REXO1: variants seen among roughly 807,000 people sequenced by gnomAD.
The protein encoded by REXO1 is REX1, RNA exonuclease 1 homolog.
REXO1 carries 42 observed loss-of-function variants against 102.6 expected under a neutral mutation model. That is an observed-to-expected ratio of 0.41 (90% CI 0.32 to 0.53). The LOEUF is 0.53. Among genes scored for constraint, REXO1 ranks in the 20% least tolerant of loss-of-function variants. The pLI, the probability that REXO1 is intolerant of heterozygous loss-of-function variation, is 0.27. For synonymous variants in REXO1, 908 were observed against 779.1 expected, an observed-to-expected ratio of 1.17 and a Z score of -2.76; for missense variants, 1,819 against 1,732.5, an observed-to-expected ratio of 1.05 and a Z score of -0.89.
chr19:1,825,425 A>C (rs1045957384), intron 3 of REXO1, among the ~76,000 whole-genome samples: 2 of 150,024 alleles, frequency 1.3e-5, no homozygotes, highest in Admixed American at 1.3e-4. Context: ...GGATCACTTG[A>C]GGTCAGGAGT....
Position 1,825,851 on chromosome 19 carries a change from C to G in REXO1, c.2004G>C (p.Lys668Asn). 6.2e-7 allele frequency: 1 copy of G among 1,608,716 alleles called. No homozygotes were observed. The highest frequency in any genetic ancestry group is 8.5e-7 in the Non-Finnish European group (1 of 1,176,000). The change falls in exon 3 of 16, where the codon AAG (lysine) becomes AAC (asparagine). Residue 668 changes from lysine to asparagine, a missense_variant. By Grantham distance (94) the Lys-to-Asn change is moderately conservative. Coordinates refer to ENST00000170168, the MANE Select transcript of REXO1 (RefSeq NM_020695.4). Reference protein sequence around the residue: ...GQKRRISHLSKQGQEVEPPRR... With the variant: ...GQKRRISHLSNQGQEVEPPRR... ...CTGCGGACCTTACCTCCTGGCCTTG[C>G]TTGGAAAGGTGGGAGATCCTCCTCT...
rs180953475 is a variant in REXO1, at chr19:1,839,164, A to G, written c.157+9038T>C. ...CCAGCTACTCGGGAGGCTGAGGCAA[A>G]AGTATCACTTGAACCCAGCAGCGGA... On this transcript the variant is annotated intron_variant, in intron 1 of 15. Transcript: ENST00000170168. Among the ~76,000 whole-genome samples the G allele has an allele frequency of 2.5e-3, 377 of 151,844 alleles. 2 individuals carry two copies. The highest frequency in any genetic ancestry group is 8.3e-3 in the African/African-American group (345 of 41,376).
intron 12 of REXO1, 151 bp from the exon 13 acceptor site, chr19:1,816,964 C>T: frequency 1.4e-6 from 1 of 718,044 alleles, no homozygotes; most frequent in Non-Finnish European, 2.3e-6. Context: ...TGGGGTGTGA[C>T]CTCAGTAACC....
intron 1 of REXO1, among the ~76,000 whole-genome samples, chr19:1,833,474 C>G (rs2069959509): frequency 6.6e-6 from 1 of 152,190 alleles, no homozygotes; most frequent in Non-Finnish European, 1.5e-5. Context: ...AGCCAAGGAC[C>G]CTGGGAGTCA....
Position 1,827,155 on chromosome 19 carries a change from C to G in REXO1, c.1634G>C (p.Ser545Thr). Residue 545 changes from serine to threonine, a missense_variant, in exon 2 of 16, where the codon AGC (serine) becomes ACC (threonine). Ser to Thr is a moderately conservative substitution (Grantham distance 58, BLOSUM62 1). Transcript: ENST00000170168. Reference sequence around the variant, plus strand: ...GTCGGAGTCTGAGTCCGAGCTGAGGCTGGGGAGGGCAGAGGGCCACACGCT... The same window carrying G: ...GTCGGAGTCTGAGTCCGAGCTGAGGGTGGGGAGGGCAGAGGGCCACACGCT... ...VPSVWPSALP[S>T]LSSDSDSDSD... The G allele has an allele frequency of 6.5e-7, 1 of 1,541,956 alleles. No homozygotes were observed. Among genetic ancestry groups the G allele is most frequent in the Non-Finnish European group, 8.7e-7 (1 of 1,146,452 alleles).
At chr19:1,832,957 C>G (rs987199807) in intron 1 of REXO1, among the ~76,000 whole-genome samples, 3 of 150,302 alleles carry the variant, frequency 2.0e-5, no homozygotes, top group East Asian at 3.9e-4. Flanking sequence ...GTGCCAGGCT[C>G]AGTGGCTCAC....
chr19:1,824,129 T>A, intron 3 of REXO1: 1 of 226,864 alleles, frequency 4.4e-6, no homozygotes. Context: ...GGGGAGGCTC[T>A]GGGACTGGAG....
intron 1 of REXO1, among the ~76,000 whole-genome samples, chr19:1,835,308 C>T (rs986341656): frequency 2.0e-5 from 3 of 152,168 alleles, no homozygotes; most frequent in Admixed American, 1.3e-4. Context: ...CTTTGGGAGG[C>T]GGAGGCGGGA....
rs760371227 is a variant in REXO1 at position 1,826,968 on chromosome 19, G to A, written c.1821C>T (p.Asp607=). ...ACTCCTCCATGGGGTCGGAGTCAAA[G>A]TCCACCTCCTTCTCCAGGGCCGAGT... is the stretch of plus-strand genomic sequence containing the variant. ...VDYSALEKEV[D]FDSDPMEECL... Residue 607 remains aspartate (D), a synonymous_variant, in exon 2 of 16, where the codon GAC becomes GAT. Coordinates refer to ENST00000170168, the MANE Select transcript of REXO1 (RefSeq NM_020695.4). The surrounding 1 kb of genome is among the most constrained non-coding windows in gnomAD (Gnocchi z 4.3). 3 of 1,569,390 alleles carry A rather than the reference G, an allele frequency of 1.9e-6. No individual in the cohort carries two copies. Among genetic ancestry groups the A allele is most frequent in the Non-Finnish European group, 1.7e-6 (2 of 1,158,244 alleles).
intron 5 of REXO1, 90 bp downstream of exon 5, chr19:1,821,429 G>T: frequency 1.3e-6 from 2 of 1,502,022 alleles, no homozygotes; most frequent in Non-Finnish European, 9.2e-7. Flanking sequence ...GCAGGGCAGG[G>T]GCGAGGCTGG....
chr19:1,820,471 C>G, intron 5 of REXO1, 76 bp from the exon 6 acceptor site: 1 of 1,555,826 alleles, frequency 6.4e-7, no homozygotes, highest in Non-Finnish European at 8.8e-7. Flanking sequence ...CGCGATGAGG[C>G]CGTGCCCATG....
In REXO1 at chr19:1,827,387, C is replaced by T. The variant is rs759629571; in HGVS notation, c.1402G>A (p.Ala468Thr). Residue 468 changes from alanine (A) to threonine (T), a missense_variant, in exon 2 of 16, where the codon GCG becomes ACG. Ala to Thr is a moderately conservative substitution (Grantham distance 58, BLOSUM62 0). Coordinates refer to ENST00000170168, the MANE Select transcript of REXO1 (RefSeq NM_020695.4). ...GGGCGGGGTGGGCCTCTGCCGGCCGCCGGTCGGGAGTCCCCGCTTGTGGGG... is the reference window on the plus strand; with the variant it reads ...GGGCGGGGTGGGCCTCTGCCGGCCGTCGGTCGGGAGTCCCCGCTTGTGGGG... Reference protein sequence around the residue: ...PSPTSGDSRPAAGRGPPRPLQ... With the variant: ...PSPTSGDSRPTAGRGPPRPLQ... 2 of 1,537,388 alleles carry T rather than the reference C, an allele frequency of 1.3e-6. No homozygotes were observed. The highest frequency in any genetic ancestry group is 2.1e-5 in the Admixed American group (1 of 48,346).
At chr19:1,833,153 A>G (rs913174749) in intron 1 of REXO1, among the ~76,000 whole-genome samples, 1 of 152,182 alleles carries the variant, frequency 6.6e-6, no homozygotes, top group Non-Finnish European at 1.5e-5. Context: ...TGAGCCTAAG[A>G]GGTCAAGGCT....
Position 1,827,754 on chromosome 19 carries a change from G to A in REXO1, c.1035C>T (p.Asp345=), listed in dbSNP as rs372482307. The A allele has an allele frequency of 2.3e-5, 36 of 1,574,764 alleles. No individual in the cohort carries two copies. Among genetic ancestry groups the A allele is most frequent in the African/African-American group, 9.5e-5 (7 of 73,360 alleles). The change falls in exon 2 of 16, where the codon GAC becomes GAT. Residue 345 remains aspartate, a synonymous_variant. Coordinates refer to ENST00000170168, the MANE Select transcript of REXO1 (RefSeq NM_020695.4). ...RETKETAVQC[D]VGDLQPPPAK... ...CTGGGGGCGGCTGGAGGTCCCCCAC[G>A]TCGCACTGCACGGCCGTCTCCTTGG...
intron 3 of REXO1, 116 bp downstream of exon 3, chr19:1,825,723 G>A (rs1298636950): frequency 3.6e-5 from 25 of 689,114 alleles, no homozygotes; most frequent in Non-Finnish European, 4.7e-5. Flanking sequence ...TGATCCACCC[G>A]CCTTGGCCTC....
intron 1 of REXO1, among the ~76,000 whole-genome samples, chr19:1,833,089 T>C (rs2069949189): frequency 6.6e-6 from 1 of 151,914 alleles, no homozygotes; most frequent in Non-Finnish European, 1.5e-5. Flanking sequence ...CTGGGTGTGA[T>C]GGTTGCATGC....
chr19:1,821,467 C>G (rs1478255000), intron 5 of REXO1, 52 bp downstream of exon 5: 4 of 1,609,140 alleles, frequency 2.5e-6, no homozygotes, highest in African/African-American at 1.3e-5. Context: ...GTGGCCGGGC[C>G]TCAGGGCGTG....
intron 13 of REXO1, 57 bp downstream of exon 13, chr19:1,816,641 G>T: frequency 9.8e-7 from 1 of 1,021,760 alleles, no homozygotes; most frequent in Non-Finnish European, 1.5e-6. Flanking sequence ...GGGAGGGTGG[G>T]TCCCTGGGGA....
intron 5 of REXO1, among the ~76,000 whole-genome samples, 189 bp from the exon 6 acceptor site, chr19:1,820,584 G>A (rs918486855): frequency 4.6e-5 from 7 of 152,200 alleles, no homozygotes; most frequent in African/African-American, 7.2e-5. Flanking sequence ...TGAGGGCAGC[G>A]GAACTAAGGT....
Sources: allele counts gnomAD v4.1 joint callset (sites outside exome capture counted in the v4.1 genomes callset), GRCh38; gene constraint gnomAD v4.1.1; non-coding constraint Gnocchi (gnomAD v3.1); transcripts MANE v1.5; gene names NCBI Gene and HGNC (gene_info 2026-07-23, HGNC 2026-07-21).